Variants in NUCB2 observed in about 807,000 individuals in gnomAD.
NUCB2 encodes nucleobindin 2.
NUCB2 carries 48 observed loss-of-function variants against 57.9 expected under a neutral mutation model. The ratio of observed to expected loss-of-function variants is 0.83; its 90% CI spans 0.66 to 1.05. NUCB2 has a LOEUF of 1.05. Among genes scored for constraint, NUCB2 ranks in the 50% least tolerant of loss-of-function variants. The pLI is 0.00. For synonymous variants in NUCB2, 139 were observed against 152.1 expected, an observed-to-expected ratio of 0.91 and a Z score of 0.64; for missense variants, 442 against 476.2, an observed-to-expected ratio of 0.93 and a Z score of 0.67.
chr11:17,315,183 G>C (rs1477604564), intron 10 of NUCB2, among the ~76,000 whole-genome samples: 1 of 152,158 alleles, frequency 6.6e-6, no homozygotes, highest in African/African-American at 2.4e-5. Context: ...GAATTATATA[G>C]AAGAGAAAGA....
chr11:17,297,222 T>A (rs1258053484), intron 4 of NUCB2, among the ~76,000 whole-genome samples: 2 of 152,070 alleles, frequency 1.3e-5, no homozygotes, highest in Non-Finnish European at 2.9e-5. Flanking sequence ...TATTTAAGTT[T>A]TACTTTCTTA....
At chr11:17,340,270 T>C (rs1952144793) in intron 2 of NUCB2, among the ~76,000 whole-genome samples, 1 of 152,216 alleles carries the variant, frequency 6.6e-6, no homozygotes, top group African/African-American at 2.4e-5. Context: ...GATGAGTAGA[T>C]TGTGAAAATT....
At chr11:17,319,104 G>T (rs547892983) in intron 11 of NUCB2, among the ~76,000 whole-genome samples, 1 of 152,134 alleles carries the variant, frequency 6.6e-6, no homozygotes, top group Non-Finnish European at 1.5e-5. Flanking sequence ...TTACTGTGAT[G>T]GTTGACAAAT....
intron 2 of NUCB2, among the ~76,000 whole-genome samples, chr11:17,349,094 T>C (rs539380970): frequency 1.3e-5 from 2 of 152,282 alleles, no homozygotes; most frequent in South Asian, 4.1e-4. Flanking sequence ...GCTTTTCTTA[T>C]ACTGAGCCAA....
At position 17,330,129 on chromosome 11, in the gene NUCB2, A is replaced by G; in HGVS notation, c.1005A>G (p.Thr335=). ...KEFLEPDSWE[T]LDQQQFFTEE... ...TTTCCTCATTTTTTTTCTTTTAGACATTAGATCAGCAACAGTTCTTCACAG... is the reference window on the plus strand; with the variant it reads ...TTTCCTCATTTTTTTTCTTTTAGACGTTAGATCAGCAACAGTTCTTCACAG... The change falls in exon 12 of 14, where the codon ACA becomes ACG. Residue 335 remains threonine (T), a splice_region_variant and synonymous_variant. Coordinates refer to ENST00000529010, the MANE Select transcript of NUCB2 (RefSeq NM_005013.4). The surrounding 1 kb of genome is among the most constrained non-coding windows in gnomAD (Gnocchi z 4.3). 6.8e-7 allele frequency: 1 copy of G among 1,462,158 alleles called. No homozygotes were observed. The highest frequency in any genetic ancestry group is 9.4e-7 in the Non-Finnish European group (1 of 1,066,954). The allele number at this position is 1,462,158 out of a possible 1,614,324, so 90.6% of individuals were successfully genotyped here.
intron 8 of NUCB2, 148 bp downstream of exon 8, chr11:17,311,431 AT>A: frequency 3.3e-6 from 2 of 600,870 alleles, no homozygotes; most frequent in South Asian, 4.6e-5. Flanking sequence ...GATAGTCTTT[AT>A]TGCTCACCTG....
intron 5 of NUCB2, among the ~76,000 whole-genome samples, chr11:17,304,181 T>A (rs975006104): frequency 2.0e-5 from 3 of 151,970 alleles, no homozygotes; most frequent in Non-Finnish European, 2.9e-5. Flanking sequence ...TTTTAATTTT[T>A]AAATTTTTAA....
chr11:17,337,346 A>G (rs1318618988), intron 1 of NUCB2: 2 of 152,224 alleles, frequency 1.3e-5, no homozygotes, highest in Non-Finnish European at 2.9e-5. Context: ...TTTGTTTTAT[A>G]GCCATGAAGT....
intron 2 of NUCB2, among the ~76,000 whole-genome samples, chr11:17,346,755 A>T (rs1484203519): frequency 6.6e-6 from 1 of 152,214 alleles, no homozygotes; most frequent in African/African-American, 2.4e-5. Flanking sequence ...ACTACAGTAA[A>T]AGTATTACAA....
At chr11:17,289,487 T>G (rs148563240) in intron 2 of NUCB2, among the ~76,000 whole-genome samples, 166 of 152,254 alleles carry the variant, frequency 1.1e-3, no homozygotes, top group African/African-American at 3.8e-3. Context: ...CAACCTATTC[T>G]TTATTCAGAT....
chr11:17,303,112 C>T (rs1159802551), intron 5 of NUCB2, among the ~76,000 whole-genome samples: 3 of 152,082 alleles, frequency 2.0e-5, no homozygotes, highest in Non-Finnish European at 2.9e-5. Flanking sequence ...AACTTCTGGC[C>T]TCAAGTAATC....
In NUCB2 at chr11:17,330,395, A is replaced by G. The variant is rs1951247871; in HGVS notation, c.1173+98A>G. ...CATATTTCATTGTACTATATAGTAC[A>G]CTGCTATAGCTATACTATAGTATTT... On this transcript the variant is annotated intron_variant, in intron 12 of 13. Transcript: ENST00000529010. The surrounding 1 kb of genome is among the most constrained non-coding windows in gnomAD (Gnocchi z 4.3). 1 of 739,104 alleles carries G rather than the reference A, an allele frequency of 1.4e-6. No individual in the cohort carries two copies. Among genetic ancestry groups the G allele is most frequent in the East Asian group, 2.8e-5 (1 of 36,122 alleles). 45.8% of individuals were successfully genotyped at this position (739,104 alleles called of 1,614,324 possible). A position where few individuals can be genotyped will look rare whatever the true frequency, so the allele number is the denominator to read the frequency against.
At chr11:17,308,425 G>A (rs1273898825) in intron 5 of NUCB2, among the ~76,000 whole-genome samples, 1 of 152,114 alleles carries the variant, frequency 6.6e-6, no homozygotes, top group African/African-American at 2.4e-5. Flanking sequence ...CATGTTAAAT[G>A]TACATATTTT....
At chr11:17,344,220 T>C (rs1449920452) in intron 2 of NUCB2, among the ~76,000 whole-genome samples, 1 of 152,172 alleles carries the variant, frequency 6.6e-6, no homozygotes, top group African/African-American at 2.4e-5. Context: ...CCTCCTTAAA[T>C]AATAATGGTT....
intron 11 of NUCB2, among the ~76,000 whole-genome samples, chr11:17,323,428 C>T (rs1950272697): frequency 6.6e-6 from 1 of 152,040 alleles, no homozygotes; most frequent in Admixed American, 6.6e-5. Flanking sequence ...TCCCAGTTGG[C>T]CGTGATGTAT....
At chr11:17,285,375 C>T (rs1371286778) in intron 2 of NUCB2, among the ~76,000 whole-genome samples, 1 of 152,098 alleles carries the variant, frequency 6.6e-6, no homozygotes, top group Non-Finnish European at 1.5e-5. Flanking sequence ...GAGATCGAGA[C>T]CAGCCTGGAC....
At chr11:17,322,647 T>C (rs181941539) in intron 11 of NUCB2, among the ~76,000 whole-genome samples, 2 of 152,292 alleles carry the variant, frequency 1.3e-5, no homozygotes, top group African/African-American at 4.8e-5. Context: ...TGATATGGAC[T>C]GCACTGAATT....
At chr11:17,309,528 G>T in intron 5 of NUCB2, 44 bp from the exon 6 acceptor site, 2 of 1,083,766 alleles carry the variant, frequency 1.8e-6, no homozygotes, top group Non-Finnish European at 2.7e-6. Flanking sequence ...TATGTTTCTA[G>T]CTTCTAGAAA....
At chr11:17,335,901 A>G (rs577914362), downstream of NUCB2, among the ~76,000 whole-genome samples, 1 of 152,302 alleles carries the variant, frequency 6.6e-6, no homozygotes, top group African/African-American at 2.4e-5. Context: ...TAGTTATTAA[A>G]TGTCTTTGGT....
Sources: allele counts gnomAD v4.1 joint callset (sites outside exome capture counted in the v4.1 genomes callset), GRCh38; gene constraint gnomAD v4.1.1; non-coding constraint Gnocchi (gnomAD v3.1); transcripts MANE v1.5; gene names NCBI Gene and HGNC (gene_info 2026-07-23, HGNC 2026-07-21).